Variants in KCNK2 observed in about 807,000 individuals in gnomAD.
KCNK2 encodes potassium channel subfamily K member 2.
In KCNK2, 21 loss-of-function variants were observed where a neutral mutation model predicts 40.5. That is an observed-to-expected ratio of 0.52 (90% CI 0.37 to 0.75). KCNK2 has a LOEUF of 0.75. Ranked by LOEUF, KCNK2 falls within the 30% of genes least tolerant of loss-of-function variation. The pLI is 0.00. For synonymous variants in KCNK2, 191 were observed against 202.2 expected (o/e 0.94, Z 0.47); for missense variants, 399 against 531.6 (o/e 0.75, Z 2.45).
At chr1:215,057,706 T>C (rs1658218228) in intron 1 of KCNK2, among the ~76,000 whole-genome samples, 1 of 152,056 alleles carries the variant, frequency 6.6e-6, no homozygotes, top group African/African-American at 2.4e-5. Context: ...GAAAGGGCAG[T>C]GCAGGAAGGA....
Position 215,083,087 on chromosome 1 carries a change from A to C in KCNK2, c.-299A>C, listed in dbSNP as rs2102525575. 1 of 429,210 alleles carries C rather than the reference A, an allele frequency of 2.3e-6. No individual in the cohort carries two copies. Among genetic ancestry groups the C allele is most frequent in the Non-Finnish European group, 4.0e-6 (1 of 246,968 alleles). 26.6% of individuals were successfully genotyped at this position (429,210 alleles called of 1,614,324 possible). A position where few individuals can be genotyped will look rare whatever the true frequency, so the allele number is the denominator to read the frequency against. On this transcript the variant is annotated 5_prime_UTR_variant, in exon 1 of 7. Transcript: ENST00000444842. ...CTCCGGGTGACCCGGGCCCGGCAGCAGGCGCGCGCGGGGGCGGCGGCGCCC... is the reference window on the plus strand; with the variant it reads ...CTCCGGGTGACCCGGGCCCGGCAGCCGGCGCGCGCGGGGGCGGCGGCGCCC...
At chr1:215,046,128 T>G (rs1420502591) in intron 1 of KCNK2, among the ~76,000 whole-genome samples, 1 of 152,146 alleles carries the variant, frequency 6.6e-6, no homozygotes, top group Admixed American at 6.5e-5. Flanking sequence ...ACTTGTAAAT[T>G]CTAGGTCATT....
chr1:215,010,722 A>G (rs1346944588), intron 1 of KCNK2, among the ~76,000 whole-genome samples: 1 of 152,142 alleles, frequency 6.6e-6, no homozygotes, highest in Non-Finnish European at 1.5e-5. Flanking sequence ...TTGGCTTTCA[A>G]GAGTTCTGAG....
At chr1:215,214,533 A>T (rs1216889981) in intron 6 of KCNK2, among the ~76,000 whole-genome samples, 1 of 152,210 alleles carries the variant, frequency 6.6e-6, no homozygotes. Flanking sequence ...GTTGTCTCAC[A>T]AAGCAATCAT....
At chr1:215,228,122 A>C (rs1346392961) in intron 6 of KCNK2, among the ~76,000 whole-genome samples, 3 of 152,214 alleles carry the variant, frequency 2.0e-5, no homozygotes, top group African/African-American at 7.2e-5. Context: ...ATCAGCAAAT[A>C]GATGGTAATT....
At chr1:215,192,999 C>T (rs1664728913) in intron 5 of KCNK2, among the ~76,000 whole-genome samples, 1 of 151,952 alleles carries the variant, frequency 6.6e-6, no homozygotes, top group South Asian at 2.1e-4. Context: ...ATGTTATACT[C>T]AGTATTTTAT....
At chr1:215,194,496 G>A (rs551563207) in intron 5 of KCNK2, among the ~76,000 whole-genome samples, 1 of 152,148 alleles carries the variant, frequency 6.6e-6, no homozygotes, top group Non-Finnish European at 1.5e-5. Flanking sequence ...TTGTTCACTT[G>A]CTGTTCAGTT....
chr1:215,040,105 A>C (rs1278312558), intron 1 of KCNK2, among the ~76,000 whole-genome samples: 1 of 152,152 alleles, frequency 6.6e-6, no homozygotes, highest in South Asian at 2.1e-4. Context: ...ACATTACATT[A>C]CAGTGACACC....
At chr1:215,180,340 G>A (rs141466613) in intron 5 of KCNK2, among the ~76,000 whole-genome samples, 130 of 152,176 alleles carry the variant, frequency 8.5e-4, no homozygotes, top group Middle Eastern at 3.4e-3. Flanking sequence ...TTAAGCGAGG[G>A]CATTTAGACC....
chr1:215,026,045 C>T (rs1005438304), intron 1 of KCNK2, among the ~76,000 whole-genome samples: 2 of 151,944 alleles, frequency 1.3e-5, no homozygotes, highest in Non-Finnish European at 2.9e-5. Flanking sequence ...GTGTTGGCCT[C>T]ATAGGGTTAA....
chr1:215,033,415 T>G (rs953029714), intron 1 of KCNK2, among the ~76,000 whole-genome samples: 1 of 91,956 alleles, frequency 1.1e-5, no homozygotes, highest in African/African-American at 3.8e-5. Context: ...TTTTTTATTT[T>G]TTTGCCTTTT....
rs1260017015 is a variant in KCNK2, at chr1:215,082,986, G to C, written c.-400G>C. The C allele has an allele frequency of 1.3e-5, 2 of 155,306 alleles. No individual in the cohort carries two copies. The highest frequency in any genetic ancestry group is 2.7e-5 in the Non-Finnish European group (2 of 73,244). The allele number at this position is 155,306 out of a possible 1,614,324, so 9.6% of individuals were successfully genotyped here. ...CGTGCCGGGGCCGGGCCAGCGAGCA[G>C]CCCGGGGCTGAGCGCGTGGCGGCGG... On this transcript the variant is annotated 5_prime_UTR_variant, in exon 1 of 7. Transcript: ENST00000444842.
intron 6 of KCNK2, among the ~76,000 whole-genome samples, chr1:215,230,476 TATAC>T (rs201115495): frequency 0.2 from 24,827 of 124,582 alleles, 2,770 homozygotes; most frequent in African/African-American, 0.31. Context: ...TAGATATATA[TATAC>T]ACACACACAC....
rs566733825 is a variant in KCNK2 at position 215,097,991 on chromosome 1, T to C, written c.357+11313T>C. 7.4e-4 allele frequency among the ~76,000 whole-genome samples: 112 copies of C among 152,110 alleles called. 1 individual carries two copies. Among genetic ancestry groups the C allele is most frequent in the South Asian group, 1.9e-3 (9 of 4,832 alleles). On this transcript the variant is annotated intron_variant, in intron 2 of 6. Coordinates refer to ENST00000444842, the MANE Select transcript of KCNK2 (RefSeq NM_001017425.3). ...GGTAATATTCTTACCAGTAAGGGAA[T>C]TGGATGATACGATCACATCTAGAAT... is the stretch of plus-strand genomic sequence containing the variant.
intron 6 of KCNK2, among the ~76,000 whole-genome samples, chr1:215,232,142 A>G (rs1314654958): frequency 1.3e-5 from 2 of 152,212 alleles, no homozygotes; most frequent in Non-Finnish European, 2.9e-5. Flanking sequence ...AGGTACAAGA[A>G]TATTCACTGA....
intron 3 of KCNK2, among the ~76,000 whole-genome samples, chr1:215,150,645 A>G (rs1427433328): frequency 6.6e-6 from 1 of 152,016 alleles, no homozygotes; most frequent in Non-Finnish European, 1.5e-5. Flanking sequence ...TTTCCATTTC[A>G]CTTAGCACAT....
intron 1 of KCNK2, among the ~76,000 whole-genome samples, chr1:215,008,881 GT>G (rs1656279574): frequency 6.6e-6 from 1 of 151,948 alleles, no homozygotes; most frequent in South Asian, 2.1e-4. Flanking sequence ...TTTAAAGAAA[GT>G]AATGTGTTCT....
intron 6 of KCNK2, among the ~76,000 whole-genome samples, chr1:215,202,241 C>G (rs1169411160): frequency 6.6e-6 from 1 of 152,168 alleles, no homozygotes; most frequent in Non-Finnish European, 1.5e-5. Flanking sequence ...TCTTCTCTTT[C>G]CCACGGGGAG....
intron 5 of KCNK2, among the ~76,000 whole-genome samples, chr1:215,177,658 G>A (rs1664032769): frequency 6.7e-6 from 1 of 149,408 alleles, no homozygotes; most frequent in Non-Finnish European, 1.5e-5. Context: ...AACATCACAT[G>A]ACTGTAGGTG....
Sources: gnomAD v4.1 joint callset for allele counts (sites outside exome capture counted in the v4.1 genomes callset) on GRCh38, gnomAD v4.1.1 for gene constraint, MANE v1.5 for transcripts, NCBI Gene and HGNC (gene_info 2026-07-23, HGNC 2026-07-21) for gene names.